Variants in RYR1 observed in about 807,000 individuals in gnomAD.
RYR1 encodes the protein ryanodine receptor 1.
A neutral mutation model predicts 583.5 loss-of-function variants in RYR1; 342 were observed. The ratio of observed to expected loss-of-function variants is 0.59; its 90% CI spans 0.54 to 0.64. The LOEUF is 0.64. Ranked by LOEUF, RYR1 falls within the 30% of genes least tolerant of loss-of-function variation. RYR1 has a pLI of 0.00. For missense variants in RYR1, 6,032 were observed against 6,917.2 expected (o/e 0.87, Z 4.54); for synonymous variants, 2,791 against 2,822.5 (o/e 0.99, Z 0.35).
rs759415568 is a variant in RYR1, at chr19:38,577,907, C to T, written c.14173-11C>T. 6.2e-7 allele frequency: 1 copy of T among 1,614,092 alleles called. No individual in the cohort carries two copies. Among genetic ancestry groups the T allele is most frequent in the South Asian group, 1.1e-5 (1 of 91,088 alleles). ...AGCTGTGTCTACACAGCCTGATGCT[C>T]TCTTGTGCAGGTCCTGGACAAACAT... On this transcript the variant is annotated splice_polypyrimidine_tract_variant and intron_variant, in intron 97 of 105. Transcript: ENST00000359596.
At chr19:38,438,384 G>A (rs950765280) in intron 1 of RYR1, among the ~76,000 whole-genome samples, 3 of 70,986 alleles carry the variant, frequency 4.2e-5, no homozygotes, top group Admixed American at 1.6e-4. Context: ...CCTGAGGGCC[G>A]TGATTTTTTT....
intron 65 of RYR1, 41 bp from the exon 66 acceptor site, chr19:38,517,318 G>A: frequency 6.2e-7 from 1 of 1,600,036 alleles, no homozygotes. Flanking sequence ...AGGTCTGGGG[G>A]TGATGGCTTG....
chr19:38,586,432 G>A, intron 104 of RYR1, 93 bp from the exon 105 acceptor site: 1 of 1,345,180 alleles, frequency 7.4e-7, no homozygotes, highest in Non-Finnish European at 1.1e-6. Context: ...ACCAGCTTGG[G>A]CAACATAGCA....
intron 1 of RYR1, among the ~76,000 whole-genome samples, chr19:38,438,110 CAA>C (rs1972505329): frequency 1.3e-5 from 2 of 151,948 alleles, no homozygotes; most frequent in African/African-American, 4.8e-5. Flanking sequence ...TGCTGTCCCT[CAA>C]CACCCCAGCA....
Position 38,504,328 on chromosome 19 carries a change from T to A in RYR1, c.8035T>A (p.Phe2679Ile), listed in dbSNP as rs779125020. 2 of 1,614,164 alleles carry A rather than the reference T, an allele frequency of 1.2e-6. No individual in the cohort carries two copies. The highest frequency in any genetic ancestry group is 1.7e-6 in the Non-Finnish European group (2 of 1,180,026). ...GGAGCTGCACCTCACACGGAAACTC[T>A]TCTGGGGCATCTTTGACTCTCTGGC... ...EEELHLTRKL[F>I]WGIFDSLAHK... Residue 2679 changes from phenylalanine to isoleucine, a missense_variant, in exon 50 of 106, where the codon TTC becomes ATC. Phe to Ile is a conservative substitution (Grantham distance 21). Transcript: ENST00000359596.
At chr19:38,550,220 C>T (rs1345502800) in intron 89 of RYR1, among the ~76,000 whole-genome samples, 3 of 152,044 alleles carry the variant, frequency 2.0e-5, no homozygotes, top group East Asian at 3.9e-4. Flanking sequence ...AAATTTCTTT[C>T]GTCAATGTCT....
In RYR1 at chr19:38,567,754, T is replaced by A. The variant is rs751065704; in HGVS notation, c.13515-19T>A. ...GCCTGCCCAGGCACCTCCTGACCTCTCTCTGTCCTGCCCTGCAGTGCCGAG... is the reference window on the plus strand; with the variant it reads ...GCCTGCCCAGGCACCTCCTGACCTCACTCTGTCCTGCCCTGCAGTGCCGAG... On this transcript the variant is annotated intron_variant, in intron 92 of 105. Coordinates refer to ENST00000359596, the MANE Select transcript of RYR1 (RefSeq NM_000540.3). 6.2e-7 allele frequency: 1 copy of A among 1,614,086 alleles called. No individual in the cohort carries two copies. Among genetic ancestry groups the A allele is most frequent in the Non-Finnish European group, 8.5e-7 (1 of 1,180,006 alleles).
intron 87 of RYR1, among the ~76,000 whole-genome samples, chr19:38,544,870 G>C (rs888124720): frequency 2.6e-5 from 4 of 152,158 alleles, no homozygotes; most frequent in Non-Finnish European, 5.9e-5. Context: ...GTGCAAAGTG[G>C]TGGCTTAAGA....
chr19:38,476,783 C>T (rs1295950896), intron 29 of RYR1, among the ~76,000 whole-genome samples: 1 of 152,198 alleles, frequency 6.6e-6, no homozygotes, highest in Non-Finnish European at 1.5e-5. Flanking sequence ...TATGCCTTCT[C>T]TCCTATGGAG....
At position 38,444,193 on chromosome 19, in the gene RYR1, T is replaced by G; in HGVS notation, c.469T>G (p.Ser157Ala). 1 of 1,613,688 alleles carries G rather than the reference T, an allele frequency of 6.2e-7. No homozygotes were observed. The highest frequency in any genetic ancestry group is 8.5e-7 in the Non-Finnish European group (1 of 1,179,896). The change falls in exon 6 of 106, where the codon TCT becomes GCT. Residue 157 changes from serine to alanine, a missense_variant. Transcript: ENST00000359596. This position sits in a 1 kb window ranked among gnomAD's most constrained non-coding sequence, Gnocchi z 5.1. ...WTMHPASKQR[S>A]EGEKVRVGDD... ...CATGCACCCAGCCTCCAAGCAGAGG[T>G]CTGAAGGAGAAAAGGTCCGCGTTGG...
At chr19:38,439,463 T>C (rs1420490758) in intron 1 of RYR1, among the ~76,000 whole-genome samples, 1 of 151,678 alleles carries the variant, frequency 6.6e-6, no homozygotes. Context: ...CCTCCCAAAG[T>C]GCTGGGATTA....
intron 1 of RYR1, 57 bp downstream of exon 1, chr19:38,433,931 C>T: frequency 6.9e-7 from 1 of 1,455,726 alleles, no homozygotes; most frequent in South Asian, 1.1e-5. Flanking sequence ...CTCTGAGGGT[C>T]TCTCTGTCTC....
chr19:38,578,186 G>A lies in RYR1; in HGVS notation c.14346G>A (p.Gly4782=), dbSNP rs776128267. The change falls in exon 99 of 106, where the codon GGG becomes GGA. Residue 4782 remains glycine, a synonymous_variant. Coordinates refer to ENST00000359596, the MANE Select transcript of RYR1 (RefSeq NM_000540.3). The part of the protein sequence containing the change: ...IDVKYQIWKF[G]VIFTDNSFLY... ...TCAAGTACCAGATCTGGAAGTTCGGGGTCATCTTCACAGACAACGTGAGCA... is the reference window on the plus strand; with the variant it reads ...TCAAGTACCAGATCTGGAAGTTCGGAGTCATCTTCACAGACAACGTGAGCA... 2.5e-6 allele frequency: 4 copies of A among 1,613,620 alleles called. No individual in the cohort carries two copies. Among genetic ancestry groups the A allele is most frequent in the Non-Finnish European group, 3.4e-6 (4 of 1,179,842 alleles).
chr19:38,473,878 T>C (rs1968573859), intron 28 of RYR1, 107 bp downstream of exon 28: 2 of 790,120 alleles, frequency 2.5e-6, no homozygotes, highest in Non-Finnish European at 3.9e-6. Flanking sequence ...AGTAGACCCA[T>C]ATATGCTAAG....
At chr19:38,503,542 G>A (rs1056209647) in intron 49 of RYR1, among the ~76,000 whole-genome samples, 4 of 152,300 alleles carry the variant, frequency 2.6e-5, no homozygotes, top group African/African-American at 9.6e-5. Context: ...GGAGGCCGAG[G>A]TGGGCAGATC....
At chr19:38,478,699 C>T in intron 31 of RYR1, 99 bp downstream of exon 31, 1 of 1,391,110 alleles carries the variant, frequency 7.2e-7, no homozygotes, top group Non-Finnish European at 1.0e-6. Context: ...AGAGATGGAA[C>T]AAAAACAGCT....
intron 102 of RYR1, 124 bp downstream of exon 102, chr19:38,585,223 T>A: frequency 8.2e-7 from 1 of 1,226,190 alleles, no homozygotes; most frequent in Non-Finnish European, 1.2e-6. Context: ...CTGTGAGACC[T>A]TGGGCAAGTC....
Position 38,505,413 on chromosome 19 carries a change from G to A in RYR1, c.8400+15G>A, listed in dbSNP as rs1295769634. 1 of 1,580,730 alleles carries A rather than the reference G, an allele frequency of 6.3e-7. No individual in the cohort carries two copies. Among genetic ancestry groups the A allele is most frequent in the South Asian group, 1.1e-5 (1 of 88,418 alleles). On this transcript the variant is annotated intron_variant, in intron 53 of 105. Coordinates refer to ENST00000359596, the MANE Select transcript of RYR1 (RefSeq NM_000540.3). ...TTTCAGAGAAGGTGACCAGGCCTTGGGGCCCAGCATTGAGGGTCAAAATGA... is the reference window on the plus strand; with the variant it reads ...TTTCAGAGAAGGTGACCAGGCCTTGAGGCCCAGCATTGAGGGTCAAAATGA...
chr19:38,480,617 T>C (rs1469573530), intron 31 of RYR1, among the ~76,000 whole-genome samples: 2 of 152,340 alleles, frequency 1.3e-5, no homozygotes, highest in East Asian at 3.9e-4. Flanking sequence ...AAACAATAGT[T>C]TCTAAATATC....
Sources: gnomAD v4.1 joint callset for allele counts (sites outside exome capture counted in the v4.1 genomes callset) on GRCh38, gnomAD v4.1.1 for gene constraint, Gnocchi (gnomAD v3.1) non-coding constraint, MANE v1.5 for transcripts, NCBI Gene and HGNC (gene_info 2026-07-23, HGNC 2026-07-21) for gene names.